Variants in GET1 observed in about 807,000 individuals in gnomAD.
The protein encoded by GET1 is congenital heart disease 5 protein.
GET1 carries 20 observed loss-of-function variants against 22.6 expected under a neutral mutation model. That is an observed-to-expected ratio of 0.89 (90% CI 0.62 to 1.29). GET1 has a LOEUF of 1.29. Ranked by LOEUF, GET1 falls within the 50% of genes most tolerant of loss-of-function variation. The pLI is 0.00. For synonymous variants in GET1, 92 were observed against 83.8 expected, an observed-to-expected ratio of 1.10 and a Z score of -0.53; for missense variants, 209 against 219.9, an observed-to-expected ratio of 0.95 and a Z score of 0.31.
At chr21:39,386,711 T>G (rs2037928520) in intron 1 of GET1, among the ~76,000 whole-genome samples, 1 of 152,246 alleles carries the variant, frequency 6.6e-6, no homozygotes, top group South Asian at 2.1e-4. Context: ...GATTCACTTT[T>G]GTTCTAAAAA....
chr21:39,399,020 G>A (rs1350556533), downstream of GET1, among the ~76,000 whole-genome samples: 14 of 152,200 alleles, frequency 9.2e-5, no homozygotes, highest in Admixed American at 4.6e-4. Context: ...GATTACAGGC[G>A]CAAGCCACCG....
At chr21:39,419,538 A>AAG (rs1555897353) in intron 1 of GET1, among the ~76,000 whole-genome samples, 1 of 151,330 alleles carries the variant, frequency 6.6e-6, no homozygotes, top group African/African-American at 2.4e-5. Context: ...AAAAAAAAGA[A>AAG]AAAAGAAAAA....
chr21:39,396,996 A>C lies in GET1; in HGVS notation c.*57A>C. On this transcript the variant is annotated 3_prime_UTR_variant, in exon 5 of 5. Coordinates refer to ENST00000649170, the MANE Select transcript of GET1 (RefSeq NM_004627.6). ...AAACGGATTTCCTCTTCCTAGCTTA[A>C]AATCTGATTTACACTGTTTTGTTTT... The C allele has an allele frequency of 3.2e-6, 5 of 1,580,688 alleles. No individual in the cohort carries two copies. The highest frequency in any genetic ancestry group is 4.3e-6 in the Non-Finnish European group (5 of 1,152,210).
chr21:39,419,108 C>T (rs754961298), intron 1 of GET1, among the ~76,000 whole-genome samples: 5 of 152,068 alleles, frequency 3.3e-5, no homozygotes, highest in Non-Finnish European at 5.9e-5. Context: ...CAACATAATT[C>T]ATCAGATGAA....
chr21:39,401,721 T>A (rs2038843856), downstream of GET1, among the ~76,000 whole-genome samples: 1 of 152,198 alleles, frequency 6.6e-6, no homozygotes, highest in Admixed American at 6.5e-5. Flanking sequence ...TCAGCGCCGT[T>A]TATCCACAGC....
At chr21:39,414,587 A>G (rs760797397) in intron 1 of GET1, among the ~76,000 whole-genome samples, 1 of 152,120 alleles carries the variant, frequency 6.6e-6, no homozygotes, top group Non-Finnish European at 1.5e-5. Flanking sequence ...ACTCGCTACC[A>G]AAAGGTGGAG....
intron 1 of GET1, among the ~76,000 whole-genome samples, chr21:39,413,026 T>C (rs2040383614): frequency 6.6e-6 from 1 of 152,184 alleles, no homozygotes; most frequent in African/African-American, 2.4e-5. Context: ...GGAGGATGCA[T>C]CTCAGAGCAT....
chr21:39,394,182 T>C (rs1227617093), intron 4 of GET1, among the ~76,000 whole-genome samples: 2 of 151,916 alleles, frequency 1.3e-5, no homozygotes, highest in African/African-American at 4.8e-5. Context: ...TACAAAAAAT[T>C]AGCTGGGCAT....
chr21:39,409,656 G>A (rs966991485), downstream of GET1, among the ~76,000 whole-genome samples: 2 of 152,014 alleles, frequency 1.3e-5, no homozygotes, highest in Non-Finnish European at 1.5e-5. This position sits in a 1 kb window ranked among gnomAD's most constrained non-coding sequence, Gnocchi z 4.2. Flanking sequence ...GCAGTGGCAC[G>A]ATCTTGGCTC....
At chr21:39,400,128 CAT>C (rs1489845005), downstream of GET1, among the ~76,000 whole-genome samples, 2 of 152,120 alleles carry the variant, frequency 1.3e-5, no homozygotes, top group Non-Finnish European at 2.9e-5. Context: ...TCTGGCCTTC[CAT>C]AGTTTTTCTT....
At chr21:39,427,013 T>C (rs2837025) in intron 1 of GET1, among the ~76,000 whole-genome samples, 35,942 of 152,218 alleles carry the variant, frequency 0.24, 4,871 homozygotes, top group African/African-American at 0.37. Context: ...AGAATCCCTG[T>C]GCTATAGCAG....
chr21:39,424,559 C>T (rs2074313158), intron 1 of GET1, among the ~76,000 whole-genome samples: 1 of 152,136 alleles, frequency 6.6e-6, no homozygotes, highest in African/African-American at 2.4e-5. Context: ...AAACTAAATG[C>T]TTTCTGTAGA....
chr21:39,410,032 G>T, downstream of GET1: 1 of 1,609,584 alleles, frequency 6.2e-7, no homozygotes, highest in Middle Eastern at 1.7e-4. Flanking sequence ...CACACAGTGA[G>T]GAATTTCATG....
At position 39,397,034 on chromosome 21, in the gene GET1, A is replaced by G. The variant is rs1399360769; in HGVS notation, c.*95A>G. ...ACTGTTTTGTTTTTTAAGAAACAAA[A>G]GTGCATAGTTTAGATTTTTTTTTTG... On this transcript the variant is annotated 3_prime_UTR_variant, in exon 5 of 5. Transcript: ENST00000649170. 7.4e-7 allele frequency: 1 copy of G among 1,359,144 alleles called. No individual in the cohort carries two copies. Among genetic ancestry groups the G allele is most frequent in the Non-Finnish European group, 1.0e-6 (1 of 970,314 alleles). 84.2% of individuals were successfully genotyped at this position (1,359,144 alleles called of 1,614,324 possible).
At chr21:39,394,973 G>A (rs1416433004) in intron 4 of GET1, among the ~76,000 whole-genome samples, 1 of 151,692 alleles carries the variant, frequency 6.6e-6, no homozygotes, top group Non-Finnish European at 1.5e-5. Context: ...TGGCTCAAGC[G>A]GTCCTCCCAC....
intron 1 of GET1, among the ~76,000 whole-genome samples, chr21:39,389,563 T>TA (rs1278592218): frequency 6.6e-6 from 1 of 152,210 alleles, no homozygotes; most frequent in Non-Finnish European, 1.5e-5. Flanking sequence ...CGCCCACTGT[T>TA]ACCCAAGTGA....
At chr21:39,394,880 T>C (rs2038536753) in intron 4 of GET1, among the ~76,000 whole-genome samples, 1 of 152,028 alleles carries the variant, frequency 6.6e-6, no homozygotes, top group African/African-American at 2.4e-5. Context: ...TTTTTTCTTC[T>C]CTTTTCTTTT....
chr21:39,415,727 TCTTA>T (rs1184768189), intron 1 of GET1, among the ~76,000 whole-genome samples: 5 of 152,228 alleles, frequency 3.3e-5, no homozygotes, highest in Admixed American at 1.3e-4. Context: ...TTAATATATC[TCTTA>T]CTGTCTTTTA....
rs556582153 is a variant in GET1, at chr21:39,387,874, G to T, written c.103-2824G>T. 146 of 970,500 alleles carry T rather than the reference G, an allele frequency of 1.5e-4. No homozygotes were observed. In the South Asian group the frequency reaches 5.6e-3, roughly 37 times the overall value. 60.1% of individuals were successfully genotyped at this position (970,500 alleles called of 1,614,324 possible). ...GAGACCTGTAAGCTGGAAGGGGGAG[G>T]GGGGGGGATCTGATTTATTGTGTGC... is the stretch of plus-strand genomic sequence containing the variant. On this transcript the variant is annotated intron_variant, in intron 1 of 4. Transcript: ENST00000649170.
Sources: gnomAD v4.1 joint callset for allele counts (sites outside exome capture counted in the v4.1 genomes callset) on GRCh38, gnomAD v4.1.1 for gene constraint, Gnocchi (gnomAD v3.1) non-coding constraint, MANE v1.5 for transcripts, NCBI Gene and HGNC (gene_info 2026-07-23, HGNC 2026-07-21) for gene names.